Variants in PCDHA1 observed in about 807,000 individuals in gnomAD.
The protein encoded by PCDHA1 is protocadherin alpha-1.
A neutral mutation model predicts 61.3 loss-of-function variants in PCDHA1; 42 were observed. That is an observed-to-expected ratio of 0.69 (90% CI 0.54 to 0.89). The LOEUF (loss-of-function observed/expected upper bound fraction) is 0.89, where lower values mean the gene tolerates loss of function less well. PCDHA1 is among the 40% of genes least tolerant of loss of function. The probability of loss-of-function intolerance (pLI) is 0.00; values close to 1 mark genes in which losing one functional copy is unlikely to be tolerated. For missense variants in PCDHA1, 1,256 were observed against 1,235.3 expected, an observed-to-expected ratio of 1.02 and a Z score of -0.25; for synonymous variants, 610 against 553.8, an observed-to-expected ratio of 1.10 and a Z score of -1.43.
intron 1 of PCDHA1, among the ~76,000 whole-genome samples, chr5:140,906,668 C>G (rs1554192641): frequency 1.3e-5 from 2 of 152,152 alleles, no homozygotes; most frequent in African/African-American, 4.8e-5. Flanking sequence ...TGTAGTGACC[C>G]AAACCTTCAT....
intron 1 of PCDHA1, chr5:140,860,114 T>C (rs2046188052): frequency 6.6e-6 from 1 of 151,042 alleles, no homozygotes. Context: ...CATAGGGATA[T>C]CTTGTACTGT....
chr5:140,807,937 A>G, intron 1 of PCDHA1: 1 of 1,614,110 alleles, frequency 6.2e-7, no homozygotes, highest in Non-Finnish European at 8.5e-7. Context: ...ATAAGGTGAG[A>G]TTACTAGAAA....
intron 1 of PCDHA1, chr5:140,830,251 G>T (rs1554132671): frequency 1.2e-6 from 2 of 1,613,772 alleles, no homozygotes; most frequent in Admixed American, 1.7e-5. Flanking sequence ...TGTACACAGC[G>T]CTGCGGTGCT....
chr5:140,953,913 G>A (rs2094950683), intron 1 of PCDHA1, among the ~76,000 whole-genome samples: 1 of 152,104 alleles, frequency 6.6e-6, no homozygotes, highest in African/African-American at 2.4e-5. Flanking sequence ...CATCCATTAG[G>A]TATTCTTCCT....
rs2150264358 is a variant in PCDHA1 at position 140,836,572 on chromosome 5, G to A, written c.2394+47888G>A. On this transcript the variant is annotated intron_variant, in intron 1 of 3. Transcript: ENST00000504120. ...CGGTGCTCAGCGCCGTCCTCTGAGG[G>A]CGCATGTAGTTTGGTAAAGCCCACT... is the stretch of plus-strand genomic sequence containing the variant. The A allele has an allele frequency of 1.9e-6, 3 of 1,613,740 alleles. No homozygotes were observed. The highest frequency in any genetic ancestry group is 4.5e-5 in the East Asian group (2 of 44,838).
At chr5:140,941,505 C>T (rs536733497) in intron 1 of PCDHA1, among the ~76,000 whole-genome samples, 11 of 151,390 alleles carry the variant, frequency 7.3e-5, no homozygotes, top group East Asian at 1.9e-4. Flanking sequence ...TTAGTAGAGA[C>T]GAGGTTTCAC....
chr5:140,869,919 A>G (rs1554163602), intron 1 of PCDHA1: 3 of 1,611,440 alleles, frequency 1.9e-6, no homozygotes. Flanking sequence ...GAGACGAAGG[A>G]GTCAATGGAG....
At chr5:140,962,171 G>A (rs1218733161) in intron 1 of PCDHA1, among the ~76,000 whole-genome samples, 3 of 151,902 alleles carry the variant, frequency 2.0e-5, no homozygotes, top group Non-Finnish European at 4.4e-5. Context: ...CACCACACCC[G>A]GCCACTTATA....
intron 1 of PCDHA1, among the ~76,000 whole-genome samples, chr5:140,974,029 A>G (rs2096612369): frequency 6.6e-6 from 1 of 152,238 alleles, no homozygotes; most frequent in Admixed American, 6.5e-5. Flanking sequence ...ACAACTATAA[A>G]TTTAGCTTAT....
chr5:140,835,781 G>C (rs1447627598), intron 1 of PCDHA1: 3 of 1,613,162 alleles, frequency 1.9e-6, no homozygotes, highest in Non-Finnish European at 2.5e-6. Context: ...TCGTGAAGGA[G>C]AACAACCCGC....
chr5:140,898,671 G>A lies in PCDHA1; in HGVS notation c.2395-80278G>A, dbSNP rs1419362877. 2.2e-4 allele frequency among the ~76,000 whole-genome samples: 33 copies of A among 152,200 alleles called. No homozygotes were observed. The East Asian group carries it at 2.3e-3, about 11-fold the overall frequency. On this transcript the variant is annotated intron_variant, in intron 1 of 3. Transcript: ENST00000504120. ...TGGCTTAGGATTGACTTGGTGTTGCGGGCTGTTTTTTGGTTCCATATGAAC... is the reference window on the plus strand; with the variant it reads ...TGGCTTAGGATTGACTTGGTGTTGCAGGCTGTTTTTTGGTTCCATATGAAC...
At chr5:140,936,604 G>A (rs1186463181) in intron 1 of PCDHA1, among the ~76,000 whole-genome samples, 4 of 152,116 alleles carry the variant, frequency 2.6e-5, no homozygotes, top group South Asian at 2.1e-4. Context: ...TACTTTCCTC[G>A]CTGCTACTGT....
At chr5:140,802,740 G>C in intron 1 of PCDHA1, 1 of 1,612,596 alleles carries the variant, frequency 6.2e-7, no homozygotes, top group Non-Finnish European at 8.5e-7. Flanking sequence ...CGCGGAGAGC[G>C]GCAAGGTGTA....
At chr5:140,822,223 C>T (rs2150114671) in intron 1 of PCDHA1, 1 of 1,614,234 alleles carries the variant, frequency 6.2e-7, no homozygotes, top group South Asian at 1.1e-5. Flanking sequence ...GCCAGATTCG[C>T]GGTTTCCGCT....
intron 1 of PCDHA1, chr5:140,860,465 T>C (rs12657479): frequency 6.6e-6 from 1 of 152,098 alleles, no homozygotes; most frequent in Admixed American, 6.5e-5. Flanking sequence ...GATAATACAG[T>C]TGGTGCAGTA....
At chr5:140,923,528 CA>C (rs1240707958) in intron 1 of PCDHA1, among the ~76,000 whole-genome samples, 1 of 151,622 alleles carries the variant, frequency 6.6e-6, no homozygotes, top group Non-Finnish European at 1.5e-5. Context: ...GATTCTGTCC[CA>C]AAAAAAGGAC....
At chr5:140,996,129 G>A (rs190965499) in intron 3 of PCDHA1, among the ~76,000 whole-genome samples, 1 of 152,210 alleles carries the variant, frequency 6.6e-6, no homozygotes, top group Non-Finnish European at 1.5e-5. Flanking sequence ...TGGTGTAGAG[G>A]GTTCTCCCAT....
rs115463013 is a variant in PCDHA1, at chr5:140,809,401, G to C, written c.2394+20717G>C. ...GCGCGTGCGCTCCGGGCAAGCCCAC[G>C]CTGGTGTGCTCCAGTGCGGTGGGGA... is the stretch of plus-strand genomic sequence containing the variant. On this transcript the variant is annotated intron_variant, in intron 1 of 3. Coordinates refer to ENST00000504120, the MANE Select transcript of PCDHA1 (RefSeq NM_018900.4). 672 of 1,614,182 alleles carry C rather than the reference G, an allele frequency of 4.2e-4. 1 individual carries two copies. The African/African-American group carries it at 8.0e-3, about 19-fold the overall frequency.
intron 1 of PCDHA1, among the ~76,000 whole-genome samples, chr5:140,937,239 G>C (rs1331547271): frequency 2.0e-5 from 3 of 151,804 alleles, no homozygotes; most frequent in African/African-American, 7.3e-5. Context: ...GGGTTTCACC[G>C]TGTTAGCCAG....
Sources: allele counts gnomAD v4.1 joint callset (sites outside exome capture counted in the v4.1 genomes callset), GRCh38; gene constraint gnomAD v4.1.1; transcripts MANE v1.5; gene names NCBI Gene and HGNC (gene_info 2026-07-23, HGNC 2026-07-21).